PAM: variants seen among roughly 807,000 people sequenced by gnomAD.
PAM encodes the protein peptidyl-glycine alpha-amidating monooxygenase.
PAM carries 72 observed loss-of-function variants against 122.1 expected under a neutral mutation model. The ratio of observed to expected loss-of-function variants is 0.59; its 90% CI spans 0.49 to 0.72. PAM has a LOEUF of 0.72. Among genes scored for constraint, PAM ranks in the 30% least tolerant of loss-of-function variants. The probability of loss-of-function intolerance (pLI) is 0.00; values close to 1 mark genes in which losing one functional copy is unlikely to be tolerated. For synonymous variants in PAM, 389 were observed against 404.4 expected, an observed-to-expected ratio of 0.96 and a Z score of 0.46; for missense variants, 1,106 against 1,183.7, an observed-to-expected ratio of 0.93 and a Z score of 0.96.
At chr5:102,934,269 G>A (rs1416192007) in intron 7 of PAM, among the ~76,000 whole-genome samples, 3 of 152,074 alleles carry the variant, frequency 2.0e-5, no homozygotes, top group Non-Finnish European at 4.4e-5. Flanking sequence ...ACTCATCCTA[G>A]CCTTCCCTGA....
chr5:102,853,137 A>G (rs890341448), intron 1 of PAM, among the ~76,000 whole-genome samples: 1 of 152,216 alleles, frequency 6.6e-6, no homozygotes, highest in Non-Finnish European at 1.5e-5. Flanking sequence ...AAGTCATGCA[A>G]CACAAACTTG....
chr5:102,981,097 A>G (rs1177053363), intron 15 of PAM, among the ~76,000 whole-genome samples: 1 of 152,178 alleles, frequency 6.6e-6, no homozygotes, highest in Non-Finnish European at 1.5e-5. Flanking sequence ...TGGTGAAGAT[A>G]GGCTCAAAAC....
chr5:102,821,345 C>T (rs1771831165), intron 1 of PAM, among the ~76,000 whole-genome samples: 1 of 152,084 alleles, frequency 6.6e-6, no homozygotes, highest in Admixed American at 6.6e-5. Flanking sequence ...GAAAGGAGAA[C>T]GTTCCCCACT....
In PAM at chr5:102,830,684, CAT is replaced by C. The variant is rs912926110; in HGVS notation, c.-373-35138_-373-35137del. On this transcript the variant is annotated intron_variant, in intron 1 of 25. Transcript: ENST00000438793. ...TCATTTTAGCCAATTAACACCCTAA[CAT>C]GTGATTTAACACCATCAAGTCCCCA... Among the ~76,000 whole-genome samples, 47 of 152,312 alleles carry C rather than the reference CAT, an allele frequency of 3.1e-4. 1 individual carries two copies. Among genetic ancestry groups the C allele is most frequent in the Middle Eastern group, 3.4e-3 (1 of 294 alleles).
intron 9 of PAM, among the ~76,000 whole-genome samples, chr5:102,949,011 G>C (rs1320903728): frequency 6.6e-6 from 1 of 151,940 alleles, no homozygotes; most frequent in African/African-American, 2.4e-5. Flanking sequence ...TGTTTTCGCT[G>C]GGAATCTCTT....
intron 1 of PAM, among the ~76,000 whole-genome samples, chr5:102,764,472 A>G (rs1269589887): frequency 1.3e-5 from 2 of 152,100 alleles, no homozygotes; most frequent in Admixed American, 6.5e-5. Flanking sequence ...AAGATTCTCT[A>G]CGAAGCAGCG....
intron 17 of PAM, 148 bp from the exon 18 acceptor site, chr5:103,005,006 T>A (rs1778537346): frequency 1.7e-6 from 1 of 584,756 alleles, no homozygotes; most frequent in South Asian, 2.3e-5. Flanking sequence ...TTTTATTAAC[T>A]ATTCATTTTG....
intron 1 of PAM, among the ~76,000 whole-genome samples, chr5:102,762,565 A>G (rs929302699): frequency 1.3e-5 from 2 of 152,180 alleles, no homozygotes; most frequent in African/African-American, 4.8e-5. Flanking sequence ...TTATTTTAAA[A>G]GAAGCCTGAA....
At chr5:102,805,184 C>G (rs1300078691) in intron 1 of PAM, among the ~76,000 whole-genome samples, 1 of 151,070 alleles carries the variant, frequency 6.6e-6, no homozygotes, top group Non-Finnish European at 1.5e-5. Context: ...AGTTCTCCTG[C>G]CTCAACCTCC....
chr5:102,826,943 A>G (rs935320972), intron 1 of PAM, among the ~76,000 whole-genome samples: 5 of 152,224 alleles, frequency 3.3e-5, no homozygotes, highest in African/African-American at 1.2e-4. Flanking sequence ...ATGCTTTTAT[A>G]AGAGAATTTT....
chr5:102,960,866 AAT>A (rs1366117929), intron 13 of PAM, among the ~76,000 whole-genome samples: 5 of 148,262 alleles, frequency 3.4e-5, no homozygotes, highest in African/African-American at 1.2e-4. Context: ...TAAGAAAACA[AAT>A]ATGAGTCATT....
chr5:102,758,061 A>T (rs1580708342), intron 1 of PAM, among the ~76,000 whole-genome samples: 1 of 83,542 alleles, frequency 1.2e-5, no homozygotes, highest in Non-Finnish European at 2.6e-5. Context: ...AAAAAAAAAG[A>T]CTTAGAATTT....
chr5:102,983,735 T>C (rs114501836), intron 15 of PAM, among the ~76,000 whole-genome samples: 167 of 152,212 alleles, frequency 1.1e-3, no homozygotes, highest in African/African-American at 4.0e-3. Flanking sequence ...AGACACATTA[T>C]AGTGGAATTT....
chr5:103,000,607 A>C (rs1033970357), intron 16 of PAM, among the ~76,000 whole-genome samples: 1 of 152,184 alleles, frequency 6.6e-6, no homozygotes, highest in African/African-American at 2.4e-5. Context: ...GTAATTTATA[A>C]AGGAAAGAAG....
rs184281929 is a variant in PAM at position 102,980,834 on chromosome 5, G to C, written c.1483+6398G>C. Among the ~76,000 whole-genome samples, 22 of 152,256 alleles carry C rather than the reference G, an allele frequency of 1.4e-4. No homozygotes were observed. In the East Asian group the frequency reaches 4.2e-3, roughly 29 times the overall value. ...TTGAACACTTGGCTAAGTAATGTAA[G>C]TGTGCAAAGACAATTTAAAATAAAA... On this transcript the variant is annotated intron_variant, in intron 15 of 25. Coordinates refer to ENST00000438793, the MANE Select transcript of PAM (RefSeq NM_001177306.2).
chr5:103,017,629 T>G (rs1047885037), intron 22 of PAM, among the ~76,000 whole-genome samples, 196 bp downstream of exon 22: 1 of 152,208 alleles, frequency 6.6e-6, no homozygotes, highest in African/African-American at 2.4e-5. Flanking sequence ...CTTATCCCCT[T>G]GTTTCCACAG....
rs60241746 is a variant in PAM at position 102,885,094 on chromosome 5, T to TATATATATATATAA, written c.211-16261_211-16260insTATATATATATAAA. On this transcript the variant is annotated intron_variant, in intron 3 of 25. Transcript: ENST00000438793. ...CTTGTTTAATAACTATATATATATA[T>TATATATATATATAA]AACTATAAAAGCTTTACTTGATTAT... Among the ~76,000 whole-genome samples the TATATATATATATAA allele has an allele frequency of 4.8e-3, 715 of 147,830 alleles. 20 individuals carry two copies. The highest frequency in any genetic ancestry group is 0.018 in the African/African-American group (681 of 38,326).
chr5:102,834,176 T>C (rs468000), intron 1 of PAM, among the ~76,000 whole-genome samples: 94,274 of 151,902 alleles, frequency 0.62, 29,569 homozygotes, highest in South Asian at 0.79. Flanking sequence ...TGTTTTGTGA[T>C]GATTTTTTAA....
chr5:102,993,869 T>A (rs990205080), intron 16 of PAM, among the ~76,000 whole-genome samples: 1 of 152,106 alleles, frequency 6.6e-6, no homozygotes, highest in African/African-American at 2.4e-5. Context: ...TAGCATTCCT[T>A]CGTCTGACCT....
Sources: allele counts gnomAD v4.1 joint callset (sites outside exome capture counted in the v4.1 genomes callset), GRCh38; gene constraint gnomAD v4.1.1; transcripts MANE v1.5; gene names NCBI Gene and HGNC (gene_info 2026-07-23, HGNC 2026-07-21).